AFAP1: variants seen among roughly 807,000 people sequenced by gnomAD.
The protein encoded by AFAP1 is actin filament associated protein 1.
In AFAP1, 75 loss-of-function variants were observed where a neutral mutation model predicts 93.9. The observed-to-expected ratio is 0.80, with a 90% CI of 0.66 to 0.97. The LOEUF is 0.97. AFAP1 is among the 50% of genes least tolerant of loss of function. The pLI is 0.00. For synonymous variants in AFAP1, 517 were observed against 430.7 expected, an observed-to-expected ratio of 1.20 and a Z score of -2.48; for missense variants, 1,201 against 1,050.8, an observed-to-expected ratio of 1.14 and a Z score of -1.98.
In AFAP1 at chr4:7,768,912, C is replaced by T. The variant is rs776677074; in HGVS notation, c.2350G>A (p.Val784Ile). 4.2e-5 allele frequency: 68 copies of T among 1,613,508 alleles called. No individual in the cohort carries two copies. Among genetic ancestry groups the T allele is most frequent in the African/African-American group, 6.7e-5 (5 of 74,904 alleles). ...EGPVPVNSAA[V>I]LKKSQAAPGS... ...GGGGCAGCCTGGCTCTTCTTCAAGA[C>T]GGCCGCGCTGTTCACCGGCACGGGG... The change falls in exon 17 of 18, where the codon GTC becomes ATC. Residue 784 changes from valine (V) to isoleucine (I), a missense_variant. By Grantham distance (29) the Val-to-Ile change is conservative. Coordinates refer to ENST00000420658, the MANE Select transcript of AFAP1 (RefSeq NM_001134647.2).
chr4:7,765,876 G>C (rs189729002), intron 17 of AFAP1, among the ~76,000 whole-genome samples: 1 of 152,156 alleles, frequency 6.6e-6, no homozygotes, highest in Non-Finnish European at 1.5e-5. Context: ...AAAGGAGACA[G>C]GGTCTGTGAA....
rs57050150 is a variant in AFAP1, at chr4:7,842,301, CAAAAAAAAA to C, written c.546+829_546+837del. Among the ~76,000 whole-genome samples the C allele has an allele frequency of 2.5e-4, 24 of 94,862 alleles. No individual in the cohort carries two copies. The East Asian group carries it at 4.2e-3, about 16-fold the overall frequency. 62.2% of individuals were successfully genotyped at this position (94,862 alleles called of 152,430 possible). A position where few individuals can be genotyped will look rare whatever the true frequency, so the allele number is the denominator to read the frequency against. On this transcript the variant is annotated intron_variant, in intron 5 of 17. Transcript: ENST00000420658. ...AATTCAAAGATGAAACCTGGATTTA[CAAAAAAAAA>C]AAAAAAAAAAAAGATAAAAAAAGGA...
chr4:7,851,807 C>G (rs983409836), intron 4 of AFAP1, among the ~76,000 whole-genome samples: 1 of 152,196 alleles, frequency 6.6e-6, no homozygotes. Flanking sequence ...CCTGGGATAT[C>G]AGCTGGCACC....
At chr4:7,807,392 C>A (rs1719617313) in intron 9 of AFAP1, among the ~76,000 whole-genome samples, 1 of 152,222 alleles carries the variant, frequency 6.6e-6, no homozygotes, top group Non-Finnish European at 1.5e-5. Context: ...GGGCCCAGCA[C>A]TGGGGCACCA....
intron 14 of AFAP1, chr4:7,777,431 T>C (rs981785202): frequency 6.6e-6 from 1 of 152,202 alleles, no homozygotes; most frequent in African/African-American, 2.4e-5. Context: ...TGCGGAGCGA[T>C]TTCAAGCCTC....
intron 1 of AFAP1, among the ~76,000 whole-genome samples, chr4:7,879,094 T>G (rs1717690692): frequency 6.6e-6 from 1 of 152,164 alleles, no homozygotes; most frequent in African/African-American, 2.4e-5. Flanking sequence ...TGTAGATAGT[T>G]CACCCAACTT....
At chr4:7,843,482 G>GA (rs1309748124) in intron 4 of AFAP1, 132 bp from the exon 5 acceptor site, 4 of 862,014 alleles carry the variant, frequency 4.6e-6, no homozygotes, top group East Asian at 2.7e-5. Flanking sequence ...CTCCTTAAGG[G>GA]AAAAAACAAA....
intron 3 of AFAP1, among the ~76,000 whole-genome samples, chr4:7,856,878 T>C (rs1374015853): frequency 6.6e-6 from 1 of 152,224 alleles, no homozygotes; most frequent in Non-Finnish European, 1.5e-5. Context: ...ACTTGCCACA[T>C]GAACGTCAAT....
intron 10 of AFAP1, among the ~76,000 whole-genome samples, chr4:7,796,822 G>A (rs1385028081): frequency 6.6e-6 from 1 of 150,874 alleles, no homozygotes; most frequent in African/African-American, 2.4e-5. Context: ...CACTTTGGGA[G>A]ACCAAGGCGG....
chr4:7,910,802 G>A (rs1427944335), intron 1 of AFAP1, among the ~76,000 whole-genome samples: 1 of 152,200 alleles, frequency 6.6e-6, no homozygotes, highest in Non-Finnish European at 1.5e-5. Flanking sequence ...CTCTGCTGGA[G>A]GTGAGTATGT....
chr4:7,930,444 G>A (rs1339534426), intron 1 of AFAP1, among the ~76,000 whole-genome samples: 4 of 151,866 alleles, frequency 2.6e-5, no homozygotes, highest in East Asian at 1.9e-4. Flanking sequence ...TCCCCTCCCC[G>A]GAGGTAGGGG....
At chr4:7,770,859 C>T (rs1715331488) in intron 16 of AFAP1, among the ~76,000 whole-genome samples, 1 of 152,182 alleles carries the variant, frequency 6.6e-6, no homozygotes, top group Admixed American at 6.5e-5. Flanking sequence ...GCACTCCTGC[C>T]TCAGATCACA....
At chr4:7,929,729 T>A (rs754158625) in intron 1 of AFAP1, among the ~76,000 whole-genome samples, 7 of 152,156 alleles carry the variant, frequency 4.6e-5, no homozygotes, top group Non-Finnish European at 1.0e-4. Flanking sequence ...GCTGCCTTCT[T>A]CACCACACAG....
rs200858182 is a variant in AFAP1 at position 7,935,024 on chromosome 4, A to G, written c.-3+4632T>C. 1.4e-4 allele frequency among the ~76,000 whole-genome samples: 21 copies of G among 152,332 alleles called. No individual in the cohort carries two copies. The East Asian group carries it at 4.0e-3, about 29-fold the overall frequency. On this transcript the variant is annotated intron_variant, in intron 1 of 17. Transcript: ENST00000420658. ...CAAAAATGCTAAAATATAAAACAATACTGGCCAATTAAAGATAGAAAAAAC... is the reference window on the plus strand; with the variant it reads ...CAAAAATGCTAAAATATAAAACAATGCTGGCCAATTAAAGATAGAAAAAAC...
chr4:7,884,533 T>C lies in AFAP1; in HGVS notation c.-2-12453A>G, dbSNP rs547879403. On this transcript the variant is annotated intron_variant, in intron 1 of 17. Transcript: ENST00000420658. ...ATATTTAAATTCCCAGTCGGATCCA[T>C]AGAACAGAATAAAAAGTCCAGTAAT... 5.3e-5 allele frequency among the ~76,000 whole-genome samples: 8 copies of C among 152,222 alleles called. No homozygotes were observed. The East Asian group carries it at 7.7e-4, about 15-fold the overall frequency.
At chr4:7,767,641 CA>C (rs1258821717) in intron 17 of AFAP1, among the ~76,000 whole-genome samples, 7 of 152,134 alleles carry the variant, frequency 4.6e-5, no homozygotes, top group South Asian at 2.1e-4. Flanking sequence ...TATGGAGGAC[CA>C]CTGTTCTGGG....
At chr4:7,864,238 G>A (rs1007333906) in intron 3 of AFAP1, among the ~76,000 whole-genome samples, 10 of 151,812 alleles carry the variant, frequency 6.6e-5, no homozygotes, top group African/African-American at 9.7e-5. Context: ...CAAATCCCAT[G>A]ACCCAGCAAG....
chr4:7,842,886 A>G (rs1713222146), intron 5 of AFAP1: 2 of 469,144 alleles, frequency 4.3e-6, no homozygotes, highest in South Asian at 5.2e-5. Context: ...CTGCCCGGGA[A>G]TGGGAATGAT....
intron 11 of AFAP1, among the ~76,000 whole-genome samples, chr4:7,786,834 C>G (rs143147527): frequency 1.3e-5 from 2 of 152,350 alleles, no homozygotes; most frequent in Non-Finnish European, 2.9e-5. Flanking sequence ...AAGTTACTGT[C>G]TGGTCTCTTT....
Sources: allele counts gnomAD v4.1 joint callset (sites outside exome capture counted in the v4.1 genomes callset), GRCh38; gene constraint gnomAD v4.1.1; transcripts MANE v1.5; gene names NCBI Gene and HGNC (gene_info 2026-07-23, HGNC 2026-07-21).